Variants in FILIP1 observed in about 807,000 individuals in gnomAD.
FILIP1 encodes filamin A interacting protein 1.
In FILIP1, 61 loss-of-function variants were observed where a neutral mutation model predicts 102.1. That is an observed-to-expected ratio of 0.60 (90% CI 0.49 to 0.74). The LOEUF is 0.74. FILIP1 is among the 30% of genes least tolerant of loss of function. FILIP1 has a pLI of 0.00. For synonymous variants in FILIP1, 491 were observed against 526.9 expected (o/e 0.93, Z 0.93); for missense variants, 1,314 against 1,441.2 (o/e 0.91, Z 1.43).
chr6:75,323,950 C>A (rs1365510722), intron 4 of FILIP1, among the ~76,000 whole-genome samples: 3 of 152,214 alleles, frequency 2.0e-5, no homozygotes, highest in African/African-American at 7.2e-5. Context: ...TACTTAACTT[C>A]TCTTTTGCCT....
chr6:75,385,258 T>G (rs1451904453), intron 2 of FILIP1, among the ~76,000 whole-genome samples: 2 of 152,302 alleles, frequency 1.3e-5, no homozygotes, highest in Non-Finnish European at 2.9e-5. Context: ...GTAAATATAT[T>G]GCAGTAATCT....
intron 4 of FILIP1, among the ~76,000 whole-genome samples, chr6:75,348,319 AGC>A (rs1299516134): frequency 1.3e-5 from 2 of 152,214 alleles, no homozygotes; most frequent in African/African-American, 4.8e-5. Context: ...AACCAAATAT[AGC>A]ATTTAGACAA....
chr6:75,358,620 A>G (rs1775079657), intron 3 of FILIP1: 1 of 152,256 alleles, frequency 6.6e-6, no homozygotes, highest in South Asian at 2.1e-4. Context: ...AAATCTGGGA[A>G]GATCAGGGTA....
At chr6:75,449,691 T>C (rs1409633034) in intron 1 of FILIP1, among the ~76,000 whole-genome samples, 1 of 151,442 alleles carries the variant, frequency 6.6e-6, no homozygotes, top group Non-Finnish European at 1.5e-5. Flanking sequence ...TTGAAGGAAA[T>C]GCATTTAAAA....
At chr6:75,375,085 A>G (rs1456955009) in intron 2 of FILIP1, among the ~76,000 whole-genome samples, 1 of 152,184 alleles carries the variant, frequency 6.6e-6, no homozygotes, top group Non-Finnish European at 1.5e-5. Context: ...GAGCAGGGTC[A>G]GAGGGGAGGG....
chr6:75,345,771 T>TCC (rs1489238582), intron 4 of FILIP1, among the ~76,000 whole-genome samples: 1 of 152,124 alleles, frequency 6.6e-6, no homozygotes, highest in Non-Finnish European at 1.5e-5. Context: ...CTCTCCTCTC[T>TCC]CCTTTCTTCT....
intron 1 of FILIP1, among the ~76,000 whole-genome samples, chr6:75,446,203 G>A (rs576806428): frequency 1.3e-5 from 2 of 152,166 alleles, no homozygotes; most frequent in South Asian, 4.1e-4. Flanking sequence ...TCCTCTAGTT[G>A]TTCCATTCAC....
chr6:75,409,759 T>C (rs1175650488), intron 2 of FILIP1, among the ~76,000 whole-genome samples: 1 of 152,056 alleles, frequency 6.6e-6, no homozygotes, highest in East Asian at 1.9e-4. Flanking sequence ...GATTGGTGTT[T>C]TGAGATGTTT....
intron 1 of FILIP1, chr6:75,458,381 C>T (rs1163006051): frequency 6.6e-6 from 1 of 152,154 alleles, no homozygotes; most frequent in Non-Finnish European, 1.5e-5. Flanking sequence ...TCTATTCTTT[C>T]TTCTTCTTTT....
At chr6:75,388,407 A>T (rs569742553) in intron 2 of FILIP1, among the ~76,000 whole-genome samples, 5 of 152,288 alleles carry the variant, frequency 3.3e-5, no homozygotes, top group Non-Finnish European at 7.4e-5. Flanking sequence ...GTTTTTTCTA[A>T]GTCTGTGAAG....
At chr6:75,329,384 T>G (rs1024484061) in intron 4 of FILIP1, among the ~76,000 whole-genome samples, 13 of 152,246 alleles carry the variant, frequency 8.5e-5, no homozygotes, top group Non-Finnish European at 1.8e-4. Context: ...TTTGACTCCT[T>G]AAGATTTTGT....
At chr6:75,371,271 T>C (rs1012446726) in intron 2 of FILIP1, among the ~76,000 whole-genome samples, 2 of 152,218 alleles carry the variant, frequency 1.3e-5, no homozygotes, top group East Asian at 1.9e-4. Flanking sequence ...TGGTCAATAG[T>C]AGCCTAAAAG....
intron 2 of FILIP1, chr6:75,366,006 C>G (rs1775316914): frequency 6.6e-6 from 1 of 152,170 alleles, no homozygotes; most frequent in African/African-American, 2.4e-5. Context: ...ATTCTATGAC[C>G]TCTTTTTGGC....
chr6:75,304,575 A>G (rs1772928678), downstream of FILIP1, among the ~76,000 whole-genome samples: 1 of 152,206 alleles, frequency 6.6e-6, no homozygotes, highest in Non-Finnish European at 1.5e-5. Flanking sequence ...TTGGCTGCTG[A>G]TTTATCAAAA....
intron 4 of FILIP1, among the ~76,000 whole-genome samples, chr6:75,322,206 T>C (rs2149565192): frequency 6.6e-6 from 1 of 152,362 alleles, no homozygotes; most frequent in African/African-American, 2.4e-5. Context: ...TATGGCATAT[T>C]ACATCTCTTT....
chr6:75,489,401 C>CATTA, intron 1 of FILIP1, among the ~76,000 whole-genome samples: 1 of 152,184 alleles, frequency 6.6e-6, no homozygotes, highest in African/African-American at 2.4e-5. Context: ...CCTGCCTTTC[C>CATTA]TATAATCTAT....
At chr6:75,301,694 T>C (rs1336766546) in intron 6 of FILIP1, among the ~76,000 whole-genome samples, 2 of 152,184 alleles carry the variant, frequency 1.3e-5, no homozygotes, top group Non-Finnish European at 2.9e-5. Flanking sequence ...ATTATGACTC[T>C]AAGAGAGAAT....
At chr6:75,312,293 G>T in intron 5 of FILIP1, 104 bp downstream of exon 5, 1 of 1,092,104 alleles carries the variant, frequency 9.2e-7, no homozygotes, top group Non-Finnish European at 1.3e-6. Flanking sequence ...GATTCAGGTA[G>T]CATGAGAAGC....
At chr6:75,435,887 T>G (rs1778002458) in intron 1 of FILIP1, among the ~76,000 whole-genome samples, 1 of 152,190 alleles carries the variant, frequency 6.6e-6, no homozygotes, top group Admixed American at 6.5e-5. Flanking sequence ...TTAATCTGCT[T>G]GAGGGCTTTA....
Sources: allele counts gnomAD v4.1 joint callset (sites outside exome capture counted in the v4.1 genomes callset), GRCh38; gene constraint gnomAD v4.1.1; transcripts MANE v1.5; gene names NCBI Gene and HGNC (gene_info 2026-07-23, HGNC 2026-07-21).